The following MYLK variants were observed in gnomAD, a reference collection of about 807,000 sequenced individuals.
MYLK encodes myosin light chain kinase, also known as myosin light chain kinase, smooth muscle.
MYLK carries 106 observed loss-of-function variants against 203.4 expected under a neutral mutation model. That is an observed-to-expected ratio of 0.52 (90% confidence interval 0.45 to 0.61). The LOEUF is 0.61. Among genes scored for constraint, MYLK ranks in the 20% least tolerant of loss-of-function variants. The probability of loss-of-function intolerance (pLI) is 0.00; values close to 1 mark genes in which losing one functional copy is unlikely to be tolerated. For synonymous variants in MYLK, 867 were observed against 959.5 expected (o/e 0.90, Z 1.78); for missense variants, 2,072 against 2,442.3 (o/e 0.85, Z 3.20).
At chr3:123,757,351 G>T (rs1313125683) in intron 4 of MYLK, among the ~76,000 whole-genome samples, 2 of 152,150 alleles carry the variant, frequency 1.3e-5, no homozygotes, top group Admixed American at 1.3e-4. Flanking sequence ...GCAGAAAGGG[G>T]GTGATTGTGC....
chr3:123,828,280 G>C (rs557929093), intron 3 of MYLK, among the ~76,000 whole-genome samples: 1 of 152,146 alleles, frequency 6.6e-6, no homozygotes, highest in East Asian at 1.9e-4. Flanking sequence ...GGAACAAATA[G>C]AGAACCCAGA....
intron 7 of MYLK, among the ~76,000 whole-genome samples, chr3:123,737,962 A>G (rs2062735486): frequency 6.6e-6 from 1 of 152,082 alleles, no homozygotes; most frequent in Admixed American, 6.5e-5. Flanking sequence ...TCCCCTGGCC[A>G]TGACTCTACC....
intron 3 of MYLK, among the ~76,000 whole-genome samples, chr3:123,807,994 C>T (rs1189150063): frequency 6.6e-6 from 1 of 152,232 alleles, no homozygotes; most frequent in Admixed American, 6.5e-5. Flanking sequence ...CAGCCTCCAG[C>T]TGTGGATGAG....
intron 3 of MYLK, among the ~76,000 whole-genome samples, chr3:123,800,704 C>T (rs1290038172): frequency 1.3e-5 from 2 of 152,196 alleles, no homozygotes; most frequent in Non-Finnish European, 2.9e-5. Flanking sequence ...GCAACTCACA[C>T]CTTGGGGCAG....
chr3:123,704,747 CAA>C (rs5852352), intron 16 of MYLK, among the ~76,000 whole-genome samples: 5,133 of 87,750 alleles, frequency 0.058, 422 homozygotes, highest in East Asian at 0.37. Flanking sequence ...ACTAAAAATA[CAA>C]AAAAAAAAAA....
chr3:123,868,499 T>C (rs981862047), intron 2 of MYLK, among the ~76,000 whole-genome samples: 1 of 152,210 alleles, frequency 6.6e-6, no homozygotes, highest in Non-Finnish European at 1.5e-5. Flanking sequence ...GCTTGGATTC[T>C]CTCATCTAAT....
Position 123,853,563 on chromosome 3 carries a change from A to G in MYLK, c.-126-21893T>C, listed in dbSNP as rs540870508. On this transcript the variant is annotated intron_variant, in intron 2 of 33. Transcript: ENST00000360304. The stretch of plus-strand genomic sequence containing the variant: ...TTCTCCTTTTTGAAGAGAAATGTCT[A>G]TTCCAGTTATCCTGCCCGTCTCACC... Among the ~76,000 whole-genome samples, 3 of 152,274 alleles carry G rather than the reference A, an allele frequency of 2.0e-5. No individual in the cohort carries two copies. The South Asian group carries it at 6.2e-4, about 32-fold the overall frequency.
intron 2 of MYLK, among the ~76,000 whole-genome samples, chr3:123,838,787 G>C (rs556468370): frequency 6.6e-6 from 1 of 152,216 alleles, no homozygotes; most frequent in South Asian, 2.1e-4. Flanking sequence ...CAATAGTGGA[G>C]ATAAAATGAA....
chr3:123,739,847 GTTA>G (rs2062804368), intron 6 of MYLK, 103 bp downstream of exon 6: 1 of 1,256,022 alleles, frequency 8.0e-7, no homozygotes, highest in African/African-American at 1.5e-5. Context: ...CCGCCCTTTG[GTTA>G]TTATAACCTA....
At chr3:123,843,842 T>A (rs146129752) in intron 2 of MYLK, among the ~76,000 whole-genome samples, 2 of 152,260 alleles carry the variant, frequency 1.3e-5, no homozygotes, top group East Asian at 3.9e-4. Context: ...TTTTTAAGCC[T>A]CTGTTTGAGC....
intron 2 of MYLK, among the ~76,000 whole-genome samples, chr3:123,865,024 C>T (rs944701543): frequency 1.3e-5 from 2 of 152,124 alleles, no homozygotes; most frequent in Admixed American, 1.3e-4. Context: ...TTGGTTCAGG[C>T]CCTGGTTACA....
At chr3:123,743,520 T>C (rs2062923425) in intron 5 of MYLK, among the ~76,000 whole-genome samples, 1 of 152,160 alleles carries the variant, frequency 6.6e-6, no homozygotes, top group Admixed American at 6.5e-5. Context: ...TATGAAAATC[T>C]GGCAGAACAG....
intron 1 of MYLK, among the ~76,000 whole-genome samples, chr3:123,879,009 G>T (rs2033340655): frequency 6.6e-6 from 1 of 152,160 alleles, no homozygotes; most frequent in South Asian, 2.1e-4. Context: ...TTAGGCCAGA[G>T]TTTCCTCTTC....
chr3:123,838,181 A>G (rs1205351768), intron 2 of MYLK, among the ~76,000 whole-genome samples: 1 of 152,182 alleles, frequency 6.6e-6, no homozygotes, highest in Admixed American at 6.5e-5. Flanking sequence ...AAAGGCAGAC[A>G]GGGTGAGGGA....
intron 19 of MYLK, among the ~76,000 whole-genome samples, chr3:123,687,630 TTCCTTCCTTCCC>T (rs938243254): frequency 6.6e-6 from 1 of 150,986 alleles, no homozygotes; most frequent in Admixed American, 6.6e-5. Context: ...CTTCCTTCCT[TTCCTTCCTTCCC>T]TCCTTCCTTC....
chr3:123,731,295 A>G (rs2062466014), intron 11 of MYLK, among the ~76,000 whole-genome samples: 1 of 152,254 alleles, frequency 6.6e-6, no homozygotes, highest in Non-Finnish European at 1.5e-5. Flanking sequence ...AACAGTATAC[A>G]GTGAAAAGTA....
Position 123,664,214 on chromosome 3 carries a change from G to A in MYLK, c.3876C>T (p.Gly1292=). Reference sequence around the variant, plus strand: ...GCGCGGCCAGGATGGTGAGCTTGCTGCCATTCTCGCTGTTCTCCACCTTCA... The same window carrying A: ...GCGCGGCCAGGATGGTGAGCTTGCTACCATTCTCGCTGTTCTCCACCTTCA... ...EHMKVENSEN[G]SKLTILAARQ... Residue 1292 remains glycine, a synonymous_variant, in exon 23 of 34, where the codon GGC becomes GGT. Coordinates refer to ENST00000360304, the MANE Select transcript of MYLK (RefSeq NM_053025.4). 3.1e-6 allele frequency: 5 copies of A among 1,614,204 alleles called. No homozygotes were observed. Among genetic ancestry groups the A allele is most frequent in the Non-Finnish European group, 4.2e-6 (5 of 1,180,036 alleles).
intron 19 of MYLK, chr3:123,692,433 C>T (rs2060714207): frequency 8.2e-7 from 1 of 1,220,622 alleles, no homozygotes; most frequent in South Asian, 1.6e-5. Context: ...GTCTTTTCTA[C>T]TGCCCAGTGC....
chr3:123,657,571 G>A (rs1444789466), intron 23 of MYLK, 143 bp from the exon 24 acceptor site: 8 of 767,282 alleles, frequency 1.0e-5, no homozygotes, highest in Admixed American at 4.5e-5. Context: ...TCCCTCATCC[G>A]CACATCACAG....
Sources: gnomAD v4.1 joint callset for allele counts (sites outside exome capture counted in the v4.1 genomes callset) on GRCh38, gnomAD v4.1.1 for gene constraint, MANE v1.5 for transcripts, NCBI Gene and HGNC (gene_info 2026-07-23, HGNC 2026-07-21) for gene names.